SLC22A16: variants seen among roughly 807,000 people sequenced by gnomAD.
The protein encoded by SLC22A16 is solute carrier family 22 member 16.
Under a neutral mutation model 52.9 loss-of-function variants are expected in SLC22A16, and 53 were observed. The observed-to-expected ratio is 1.00, with a 90% confidence interval of 0.80 to 1.26. The LOEUF (loss-of-function observed/expected upper bound fraction) is 1.26. Ranked by LOEUF, SLC22A16 falls within the 50% of genes most tolerant of loss-of-function variation. The probability of loss-of-function intolerance (pLI) is 0.00; values close to 1 mark genes in which losing one functional copy is unlikely to be tolerated. For missense variants in SLC22A16, 726 were observed against 704.0 expected (o/e 1.03, Z -0.35); for synonymous variants, 291 against 268.8 (o/e 1.08, Z -0.81).
chr6:110,473,418 T>C (rs1056388897), intron 1 of SLC22A16, among the ~76,000 whole-genome samples: 3 of 150,962 alleles, frequency 2.0e-5, no homozygotes, highest in Non-Finnish European at 4.4e-5. Context: ...AGCTGTGAAG[T>C]TTATGGAAAC....
rs1774179002 is a variant in SLC22A16 at position 110,424,714 on chromosome 6, G to A, written c.*159C>T. 4.7e-6 allele frequency: 4 copies of A among 852,192 alleles called. No homozygotes were observed. Among genetic ancestry groups the A allele is most frequent in the Non-Finnish European group, 6.9e-6 (4 of 576,426 alleles). 52.8% of individuals were successfully genotyped at this position (852,192 alleles called of 1,614,324 possible). A position where few individuals can be genotyped will look rare whatever the true frequency, so the allele number is the denominator to read the frequency against. On this transcript the variant is annotated 3_prime_UTR_variant, in exon 8 of 8. Coordinates refer to ENST00000368919, the MANE Select transcript of SLC22A16 (RefSeq NM_033125.4). ...TTTAAAACTGAGAATTTTCATCTTA[G>A]TTTTTATTTCTTTTATAACATATTT...
rs545273038 is a variant in SLC22A16, at chr6:110,427,026, C to T, written c.1522-1941G>A. 5.9e-4 allele frequency among the ~76,000 whole-genome samples: 87 copies of T among 148,658 alleles called. 1 individual carries two copies. Among genetic ancestry groups the T allele is most frequent in the African/African-American group, 2.1e-3 (83 of 40,180 alleles). ...CAAGACTTTGGGAGGCTAAGGCTGGCGGATCACGTGAGGTCAGGAGTTTGA... is the reference window on the plus strand; with the variant it reads ...CAAGACTTTGGGAGGCTAAGGCTGGTGGATCACGTGAGGTCAGGAGTTTGA... On this transcript the variant is annotated intron_variant, in intron 7 of 7. Transcript: ENST00000368919.
chr6:110,446,913 T>A lies in SLC22A16; in HGVS notation c.611A>T (p.Asp204Val), dbSNP rs1364723933. ...LFGIAAAFAV[D>V]YYTFMAARFF... ...GCGAGCAGCCATGAAGGTGTAATAA[T>A]CAACTGCAAACGCCGCTGCTATTCC... The change falls in exon 3 of 8, where the codon GAT (aspartate) becomes GTT (valine). Residue 204 changes from aspartate (D) to valine (V), a missense_variant. By Grantham distance (152) the Asp-to-Val change is radical (BLOSUM62 -3). Coordinates refer to ENST00000368919, the MANE Select transcript of SLC22A16 (RefSeq NM_033125.4). The A allele has an allele frequency of 6.2e-7, 1 of 1,613,730 alleles. No individual in the cohort carries two copies.
intron 1 of SLC22A16, among the ~76,000 whole-genome samples, chr6:110,459,349 T>C (rs1775782196): frequency 6.6e-6 from 1 of 152,320 alleles, no homozygotes; most frequent in South Asian, 2.1e-4. Context: ...AGTGACGTCA[T>C]GTGGATATGC....
intron 1 of SLC22A16, among the ~76,000 whole-genome samples, chr6:110,466,093 G>C (rs986670061): frequency 6.6e-6 from 1 of 152,086 alleles, no homozygotes; most frequent in African/African-American, 2.4e-5. Context: ...ATATGCAGAA[G>C]AATGAAACTG....
intron 6 of SLC22A16, among the ~76,000 whole-genome samples, chr6:110,433,156 A>G (rs1158380382): frequency 6.6e-6 from 1 of 152,032 alleles, no homozygotes; most frequent in East Asian, 1.9e-4. Context: ...GAAAAACTCT[A>G]CTCTCAGACA....
intron 6 of SLC22A16, among the ~76,000 whole-genome samples, chr6:110,433,089 G>A (rs921197948): frequency 3.9e-5 from 6 of 152,212 alleles, no homozygotes; most frequent in Middle Eastern, 3.4e-3. Flanking sequence ...ATTAGACTGC[G>A]AGAGTGGTCT....
chr6:110,429,723 C>G (rs1468836237), intron 7 of SLC22A16, among the ~76,000 whole-genome samples: 2 of 152,136 alleles, frequency 1.3e-5, no homozygotes, highest in Non-Finnish European at 2.9e-5. Flanking sequence ...CACACTGCGA[C>G]AGCAACTGAA....
Position 110,442,353 on chromosome 6 carries a change from C to T in SLC22A16, c.1074G>A (p.Arg358=). ...YLFYNWSITK[R]TLTVWLIWFT... Reference sequence around the variant, plus strand: ...ACCAGATTAGCCAAACGGTAAGTGTCCTTTTCGTAATGCTCCAGTTATAAA... The same window carrying T: ...ACCAGATTAGCCAAACGGTAAGTGTTCTTTTCGTAATGCTCCAGTTATAAA... Residue 358 remains arginine (R), a synonymous_variant, in exon 4 of 8, where the codon AGG becomes AGA. Transcript: ENST00000368919. The T allele has an allele frequency of 6.2e-7, 1 of 1,614,192 alleles. No individual in the cohort carries two copies. The highest frequency in any genetic ancestry group is 8.5e-7 in the Non-Finnish European group (1 of 1,180,028).
chr6:110,465,210 A>C, intron 1 of SLC22A16, among the ~76,000 whole-genome samples: 1 of 152,060 alleles, frequency 6.6e-6, no homozygotes, highest in East Asian at 1.9e-4. Context: ...GGGAAAAGTA[A>C]AATGCATTCC....
At chr6:110,461,574 G>A (rs1021554042) in intron 1 of SLC22A16, among the ~76,000 whole-genome samples, 2 of 152,168 alleles carry the variant, frequency 1.3e-5, no homozygotes, top group Non-Finnish European at 2.9e-5. Flanking sequence ...GCTGTCAGAA[G>A]AGCACAGTGC....
chr6:110,432,568 A>C (rs1005477570), intron 6 of SLC22A16, among the ~76,000 whole-genome samples: 2 of 152,188 alleles, frequency 1.3e-5, no homozygotes, highest in African/African-American at 4.8e-5. Flanking sequence ...AATCCACCTG[A>C]GAGGCCAGAA....
chr6:110,442,831 A>C, intron 3 of SLC22A16, 56 bp from the exon 4 acceptor site: 1 of 1,504,132 alleles, frequency 6.6e-7, no homozygotes, highest in Non-Finnish European at 9.0e-7. Flanking sequence ...ACTATTGAGG[A>C]GTCTGACCCC....
chr6:110,465,057 G>A (rs1776013695), intron 1 of SLC22A16, among the ~76,000 whole-genome samples: 1 of 150,586 alleles, frequency 6.6e-6, no homozygotes, highest in South Asian at 2.1e-4. Flanking sequence ...CAACTCAATA[G>A]ATGCTGAAAA....
chr6:110,455,244 T>G (rs1163729569), intron 2 of SLC22A16, among the ~76,000 whole-genome samples: 2 of 151,758 alleles, frequency 1.3e-5, no homozygotes, highest in African/African-American at 2.4e-5. Flanking sequence ...TGTATTTTAG[T>G]ACATTTCATA....
intron 2 of SLC22A16, 73 bp downstream of exon 2, chr6:110,456,465 C>T: frequency 6.5e-7 from 1 of 1,533,052 alleles, no homozygotes; most frequent in South Asian, 1.3e-5. Flanking sequence ...AACATAATTC[C>T]TTGTGTCCCA....
intron 4 of SLC22A16, among the ~76,000 whole-genome samples, chr6:110,439,794 G>A (rs576056913): frequency 6.6e-6 from 1 of 152,166 alleles, no homozygotes; most frequent in Non-Finnish European, 1.5e-5. Context: ...TTTACACTAG[G>A]AGTCACATCT....
intron 4 of SLC22A16, among the ~76,000 whole-genome samples, chr6:110,440,865 A>G (rs962777179): frequency 2.0e-5 from 3 of 152,240 alleles, no homozygotes; most frequent in African/African-American, 4.8e-5. Flanking sequence ...AATTTGTACT[A>G]ACTTCTTAGA....
At chr6:110,433,639 T>A (rs780726917) in intron 6 of SLC22A16, among the ~76,000 whole-genome samples, 1 of 152,262 alleles carries the variant, frequency 6.6e-6, no homozygotes, top group Non-Finnish European at 1.5e-5. Flanking sequence ...TTAGATTTTT[T>A]AATAAGTTTC....
Sources: gnomAD v4.1 joint callset for allele counts (sites outside exome capture counted in the v4.1 genomes callset) on GRCh38, gnomAD v4.1.1 for gene constraint, MANE v1.5 for transcripts, NCBI Gene and HGNC (gene_info 2026-07-23, HGNC 2026-07-21) for gene names.